Variants in LY75 observed in about 807,000 individuals in gnomAD.
The protein encoded by LY75 is lymphocyte antigen 75, also known as C-type lectin domain family 13 member B.
In LY75, 185 loss-of-function variants were observed where a neutral mutation model predicts 231.7. That is an observed-to-expected ratio of 0.80 (90% CI 0.71 to 0.90). LY75 has a LOEUF of 0.90. Ranked by LOEUF, LY75 falls within the 40% of genes least tolerant of loss-of-function variation. The pLI is 0.00. For synonymous variants in LY75, 668 were observed against 689.0 expected, an observed-to-expected ratio of 0.97 and a Z score of 0.48; for missense variants, 1,947 against 2,050.2, an observed-to-expected ratio of 0.95 and a Z score of 0.97.
intron 29 of LY75, among the ~76,000 whole-genome samples, chr2:159,817,623 C>A (rs186724700): frequency 6.6e-6 from 1 of 152,114 alleles, no homozygotes; most frequent in East Asian, 1.9e-4. Context: ...AACAATGAAC[C>A]TATACTAGGT....
intron 16 of LY75, 72 bp downstream of exon 16, chr2:159,858,290 C>T (rs1270664251): frequency 2.3e-5 from 36 of 1,553,130 alleles, no homozygotes; most frequent in Non-Finnish European, 3.1e-5. Context: ...AAAATGCTCC[C>T]CTAGCTACTT....
In LY75 at chr2:159,805,237, G is replaced by T; in HGVS notation, c.4991-15C>A. 1 of 1,607,704 alleles carries T rather than the reference G, an allele frequency of 6.2e-7. No individual in the cohort carries two copies. Among genetic ancestry groups the T allele is most frequent in the South Asian group, 1.1e-5 (1 of 90,550 alleles). ...GTAATCAGGGCCTGGAACAGGAAAA[G>T]GTTTGATGTTGGAGGAGAGAATACA... On this transcript the variant is annotated splice_polypyrimidine_tract_variant and intron_variant, in intron 34 of 34. Transcript: ENST00000263636.
At chr2:159,825,524 G>A (rs1328667410) in intron 28 of LY75, among the ~76,000 whole-genome samples, 1 of 152,156 alleles carries the variant, frequency 6.6e-6, no homozygotes, top group African/African-American at 2.4e-5. Context: ...AATTCTACCA[G>A]AGGTACAAAG....
chr2:159,890,708 A>C (rs1685727859), intron 3 of LY75, among the ~76,000 whole-genome samples: 1 of 152,232 alleles, frequency 6.6e-6, no homozygotes, highest in African/African-American at 2.4e-5. Context: ...ACACTGAGCT[A>C]ATGGAAAACA....
At chr2:159,868,490 C>T (rs1684918443) in intron 13 of LY75, among the ~76,000 whole-genome samples, 1 of 152,132 alleles carries the variant, frequency 6.6e-6, no homozygotes, top group South Asian at 2.1e-4. Flanking sequence ...TGCTTCATTA[C>T]TCATTTTTAT....
At chr2:159,858,239 G>GCAT (rs1223481955) in intron 16 of LY75, 123 bp downstream of exon 16, 9 of 1,211,136 alleles carry the variant, frequency 7.4e-6, no homozygotes, top group Non-Finnish European at 8.9e-6. Context: ...CATATTAATT[G>GCAT]CATCATCATC....
rs776360896 is a variant in LY75, at chr2:159,881,225, ACTT to A, written c.1259_1261del (p.Glu420del). On this transcript the variant is annotated inframe_deletion, in exon 8 of 35. Coordinates refer to ENST00000263636, the MANE Select transcript of LY75 (RefSeq NM_002349.4). The stretch of plus-strand genomic sequence containing the variant: ...GTTTATGTTCTTAAGGCCTATCCAC[ACTT>A]CTTCTTTGATATCTAAAAGAAAAAT... 72 of 1,610,254 alleles carry A rather than the reference ACTT, an allele frequency of 4.5e-5. No individual in the cohort carries two copies. In the South Asian group the frequency reaches 5.1e-4, roughly 11 times the overall value.
At chr2:159,825,148 C>CA (rs1282758799) in intron 28 of LY75, among the ~76,000 whole-genome samples, 2 of 152,016 alleles carry the variant, frequency 1.3e-5, no homozygotes, top group African/African-American at 2.4e-5. Flanking sequence ...AAACAACCTT[C>CA]AAAAAATCAG....
In LY75 at chr2:159,872,598, G is replaced by A. The variant is rs372996125; in HGVS notation, c.1975-5C>T. The A allele has an allele frequency of 8.1e-6, 13 of 1,608,422 alleles. 1 individual carries two copies. The Admixed American group carries it at 8.5e-5, about 11-fold the overall frequency. ...AATTCTTTCTGCATGGAATACCTTA[G>A]CAAAATATAATATTAATTTGTTTTA... On this transcript the variant is annotated splice_region_variant and splice_polypyrimidine_tract_variant and intron_variant, in intron 12 of 34. Transcript: ENST00000263636.
chr2:159,904,706 G>A lies in LY75; in HGVS notation c.-24C>T, dbSNP rs1287302865. ...ATCCTGAGCTGGCGCAAGCCTTCCG[G>A]CCGGGTCCTCGGGCGCACGCGGCTC... On this transcript the variant is annotated 5_prime_UTR_variant, in exon 1 of 35. Transcript: ENST00000263636. 7.1e-6 allele frequency: 10 copies of A among 1,407,104 alleles called. No homozygotes were observed. The East Asian group carries it at 2.8e-4, about 39-fold the overall frequency. The allele number at this position is 1,407,104 out of a possible 1,614,324, so 87.2% of individuals were successfully genotyped here. A position where few individuals can be genotyped will look rare whatever the true frequency, so the allele number is the denominator to read the frequency against.
rs552985744 is a variant in LY75 at position 159,855,803 on chromosome 2, A to G, written c.2384-864T>C. Among the ~76,000 whole-genome samples, 35 of 152,304 alleles carry G rather than the reference A, an allele frequency of 2.3e-4. 2 individuals carry two copies. In the South Asian group the frequency reaches 7.0e-3, roughly 31 times the overall value. On this transcript the variant is annotated intron_variant, in intron 16 of 34. Coordinates refer to ENST00000263636, the MANE Select transcript of LY75 (RefSeq NM_002349.4). ...TCCTCCCCCTTTTCATTCTGGCCAC[A>G]GATCACACTGGCTTCAAGTCAAAGA... is the stretch of plus-strand genomic sequence containing the variant.
intron 13 of LY75, among the ~76,000 whole-genome samples, chr2:159,869,869 A>G (rs1331368100): frequency 6.6e-6 from 1 of 152,028 alleles, no homozygotes; most frequent in Non-Finnish European, 1.5e-5. Context: ...TGAATTTTGC[A>G]TTTGTTATAA....
rs1010814532 is a variant in LY75 at position 159,831,687 on chromosome 2, A to G, written c.3941T>C (p.Leu1314Ser). The change falls in exon 28 of 35, where the codon TTA becomes TCA. Residue 1314 changes from leucine to serine, a missense_variant. By Grantham distance (145) the Leu-to-Ser change is moderately radical. Coordinates refer to ENST00000263636, the MANE Select transcript of LY75 (RefSeq NM_002349.4). Reference sequence around the variant, plus strand: ...CAACTTACTTCTATAAGTTATTCCTAACATGACCCATGAAGCCATATAATT... The same window carrying G: ...CAACTTACTTCTATAAGTTATTCCTGACATGACCCATGAAGCCATATAATT... ...YFNYMASWVM[L>S]GITYRNKSLM... The G allele has an allele frequency of 6.2e-7, 1 of 1,610,380 alleles. No homozygotes were observed. The highest frequency in any genetic ancestry group is 8.5e-7 in the Non-Finnish European group (1 of 1,179,006).
In LY75 at chr2:159,821,549, G is replaced by C. The variant is rs1476314622; in HGVS notation, c.3959-1629C>G. ...GAGAACTGCTTGAACCTAGGAGGCA[G>C]AGGTAGCAGTGAGCCAAGATCATGC... On this transcript the variant is annotated intron_variant, in intron 28 of 34. Transcript: ENST00000263636. Among the ~76,000 whole-genome samples the C allele has an allele frequency of 1.3e-4, 19 of 150,820 alleles. No homozygotes were observed. In the Admixed American group the frequency reaches 1.3e-3, roughly 10 times the overall value.
intron 32 of LY75, 151 bp from the exon 33 acceptor site, chr2:159,808,722 T>C: frequency 2.6e-6 from 3 of 1,167,822 alleles, no homozygotes; most frequent in Non-Finnish European, 3.5e-6. Flanking sequence ...AACTGGTATT[T>C]AGGTCAAAAT....
intron 13 of LY75, among the ~76,000 whole-genome samples, chr2:159,868,548 G>C (rs1049652233): frequency 3.3e-5 from 5 of 151,924 alleles, no homozygotes; most frequent in African/African-American, 1.2e-4. Context: ...TTTAAAGAAG[G>C]GAGTGCTCAA....
chr2:159,897,031 T>C (rs779679292), intron 2 of LY75, among the ~76,000 whole-genome samples: 10 of 151,626 alleles, frequency 6.6e-5, no homozygotes, highest in Non-Finnish European at 1.2e-4. Flanking sequence ...ATCCTTAACC[T>C]TTTTTGTGCT....
intron 31 of LY75, among the ~76,000 whole-genome samples, chr2:159,812,682 AG>A (rs927799841): frequency 6.6e-6 from 1 of 152,140 alleles, no homozygotes; most frequent in African/African-American, 2.4e-5. Flanking sequence ...CAAAGTGCTG[AG>A]ATTACAAGCA....
At chr2:159,890,074 G>T in intron 4 of LY75, 139 bp downstream of exon 4, 15 of 1,085,246 alleles carry the variant, frequency 1.4e-5, no homozygotes, top group Middle Eastern at 6.3e-4. Flanking sequence ...TTTGCTTATG[G>T]GTTTCAGTGT....
Sources: allele counts gnomAD v4.1 joint callset (sites outside exome capture counted in the v4.1 genomes callset), GRCh38; gene constraint gnomAD v4.1.1; transcripts MANE v1.5; gene names NCBI Gene and HGNC (gene_info 2026-07-23, HGNC 2026-07-21).